ANKRD26: variants seen among roughly 807,000 people sequenced by gnomAD.
ANKRD26 encodes ankyrin repeat domain 26.
Under a neutral mutation model 208.7 loss-of-function variants are expected in ANKRD26, and 141 were observed. The ratio of observed to expected loss-of-function variants is 0.68; its 90% CI spans 0.59 to 0.78. ANKRD26 has a LOEUF of 0.78. Ranked by LOEUF, ANKRD26 falls within the 30% of genes least tolerant of loss-of-function variation. The pLI, the probability that ANKRD26 is intolerant of heterozygous loss-of-function variation, is 0.00. For synonymous variants in ANKRD26, 636 were observed against 660.4 expected (o/e 0.96, Z 0.57); for missense variants, 1,889 against 1,938.7 (o/e 0.97, Z 0.48).
At chr10:26,998,598 G>T (rs2052649129) in intron 4 of ANKRD26, among the ~76,000 whole-genome samples, 1 of 152,210 alleles carries the variant, frequency 6.6e-6, no homozygotes, top group African/African-American at 2.4e-5. Context: ...AAACCCAATT[G>T]GATCTTTATG....
chr10:27,057,250 T>C (rs1400186605), intron 15 of ANKRD26, among the ~76,000 whole-genome samples: 1 of 152,238 alleles, frequency 6.6e-6, no homozygotes, highest in Non-Finnish European at 1.5e-5. Flanking sequence ...ATTTTACATG[T>C]CCTTTACTTG....
intron 5 of ANKRD26, 73 bp from the exon 6 acceptor site, chr10:27,082,906 G>C: frequency 2.6e-6 from 4 of 1,514,574 alleles, no homozygotes. Flanking sequence ...GCATAAGACT[G>C]ATAGTTTGTT....
At chr10:27,069,000 C>T (rs755060360) in intron 9 of ANKRD26, among the ~76,000 whole-genome samples, 12 of 151,952 alleles carry the variant, frequency 7.9e-5, no homozygotes, top group Non-Finnish European at 1.2e-4. Flanking sequence ...TCGAGACCAG[C>T]CTGGCCAATA....
At chr10:26,962,184 C>G in the ANKRD26 span, among the ~76,000 whole-genome samples, 1 of 151,966 alleles carries the variant, frequency 6.6e-6, no homozygotes, top group African/African-American at 2.4e-5. Flanking sequence ...AATCCCAGCT[C>G]TTTGGGAGGC....
the ANKRD26 span, among the ~76,000 whole-genome samples, chr10:26,949,408 G>C: frequency 6.8e-6 from 1 of 147,552 alleles, no homozygotes; most frequent in Non-Finnish European, 1.5e-5. Flanking sequence ...AGACAAATTA[G>C]TAGTAACTCC....
At chr10:27,029,737 C>G (rs919223175) in intron 25 of ANKRD26, among the ~76,000 whole-genome samples, 27 of 152,118 alleles carry the variant, frequency 1.8e-4, no homozygotes, top group Non-Finnish European at 1.5e-4. Context: ...CAAGCACCAC[C>G]ACATGAACTA....
At chr10:26,978,013 T>C (rs1393999177) in intron 5 of ANKRD26, among the ~76,000 whole-genome samples, 1 of 152,222 alleles carries the variant, frequency 6.6e-6, no homozygotes, top group Non-Finnish European at 1.5e-5. Context: ...TTTGCAAAGC[T>C]GTCTCTACAG....
chr10:26,996,883 C>A (rs2052605367), intron 4 of ANKRD26, among the ~76,000 whole-genome samples: 1 of 152,136 alleles, frequency 6.6e-6, no homozygotes, highest in Admixed American at 6.6e-5. Context: ...CTCTTCTCCG[C>A]TAATGTTTCC....
At chr10:26,971,963 C>T (rs947381972), downstream of ANKRD26, among the ~76,000 whole-genome samples, 10 of 151,908 alleles carry the variant, frequency 6.6e-5, no homozygotes, top group South Asian at 2.1e-4. Flanking sequence ...TGGCCGGGCG[C>T]AGTGGCTCAC....
chr10:27,097,376 G>A (rs920533476), intron 1 of ANKRD26, among the ~76,000 whole-genome samples: 53 of 150,780 alleles, frequency 3.5e-4, no homozygotes, highest in African/African-American at 1.1e-3. Flanking sequence ...CAGGAGAATC[G>A]CTTGAACCCA....
At chr10:27,027,022 G>A (rs1411168210) in intron 27 of ANKRD26, among the ~76,000 whole-genome samples, 1 of 152,096 alleles carries the variant, frequency 6.6e-6, no homozygotes, top group African/African-American at 2.4e-5. Context: ...CTAACCTCAG[G>A]TGATCCACCC....
intron 4 of ANKRD26, among the ~76,000 whole-genome samples, chr10:27,087,667 A>G (rs1426129612): frequency 6.6e-6 from 1 of 152,214 alleles, no homozygotes; most frequent in Non-Finnish European, 1.5e-5. Context: ...ACAGATGTTA[A>G]GGCCTGGTTT....
At chr10:26,951,120 G>C in the ANKRD26 span, among the ~76,000 whole-genome samples, 1 of 149,874 alleles carries the variant, frequency 6.7e-6, no homozygotes, top group Non-Finnish European at 1.5e-5. Context: ...TGGGAGACAA[G>C]GAGGCAAGAC....
chr10:26,949,019 G>C, the ANKRD26 span, among the ~76,000 whole-genome samples: 1 of 151,984 alleles, frequency 6.6e-6, no homozygotes, highest in African/African-American at 2.4e-5. Flanking sequence ...ATTAAATACT[G>C]ATCTAGTATT....
chr10:26,986,736 T>A (rs1259891646), intron 3 of ANKRD26, among the ~76,000 whole-genome samples: 1 of 152,178 alleles, frequency 6.6e-6, no homozygotes. Flanking sequence ...TGAGATACCA[T>A]CTCACACCAG....
chr10:26,983,230 T>C (rs569038350), intron 3 of ANKRD26, among the ~76,000 whole-genome samples: 4 of 152,292 alleles, frequency 2.6e-5, no homozygotes, highest in South Asian at 2.1e-4. Context: ...ATTTGTGGTA[T>C]AAAGATAGAA....
the ANKRD26 span, among the ~76,000 whole-genome samples, chr10:26,960,306 G>A: frequency 6.6e-6 from 1 of 152,184 alleles, no homozygotes; most frequent in African/African-American, 2.4e-5. Context: ...TGGCTTCTTG[G>A]GGCCCTGAGC....
chr10:26,993,668 A>C (rs2052529520), intron 5 of ANKRD26, among the ~76,000 whole-genome samples: 1 of 152,146 alleles, frequency 6.6e-6, no homozygotes, highest in Admixed American at 6.5e-5. Context: ...GTGTATTTTC[A>C]ATGGGCTAAT....
chr10:27,005,189 A>C lies in ANKRD26; in HGVS notation c.*401T>G. On this transcript the variant is annotated 3_prime_UTR_variant, in exon 34 of 34. Transcript: ENST00000376087. ...ATTTGATGGCACTGTAACAATTGTA[A>C]TACATCCAAACATGAACAATGACCA... 1 of 990,308 alleles carries C rather than the reference A, an allele frequency of 1.0e-6. No individual in the cohort carries two copies. Among genetic ancestry groups the C allele is most frequent in the African/African-American group, 1.7e-5 (1 of 57,414 alleles). 61.3% of individuals were successfully genotyped at this position (990,308 alleles called of 1,614,324 possible). A position where few individuals can be genotyped will look rare whatever the true frequency, so the allele number is the denominator to read the frequency against.
Sources: allele counts gnomAD v4.1 joint callset (sites outside exome capture counted in the v4.1 genomes callset), GRCh38; gene constraint gnomAD v4.1.1; transcripts MANE v1.5; gene names NCBI Gene and HGNC (gene_info 2026-07-23, HGNC 2026-07-21).